The following ZNF790 variants were observed in gnomAD, a reference collection of about 807,000 sequenced individuals.
The protein encoded by ZNF790 is zinc finger protein 790.
Under a neutral mutation model 12.1 loss-of-function variants are expected in ZNF790, and 8 were observed. The ratio of observed to expected loss-of-function variants is 0.66; its 90% CI spans 0.39 to 1.19. The LOEUF is 1.19. Among genes scored for constraint, ZNF790 ranks in the 50% most tolerant of loss-of-function variants. The probability of loss-of-function intolerance (pLI) is 0.01; values close to 1 mark genes in which losing one functional copy is unlikely to be tolerated. For synonymous variants in ZNF790, 252 were observed against 244.3 expected (o/e 1.03, Z -0.29); for missense variants, 707 against 752.2 (o/e 0.94, Z 0.70).
chr19:36,823,890 G>T, intron 2 of ZNF790, 100 bp from the exon 3 acceptor site: 1 of 1,131,274 alleles, frequency 8.8e-7, no homozygotes. Context: ...GGCACTGCAG[G>T]GAGTGGGGCA....
upstream of ZNF790, among the ~76,000 whole-genome samples, chr19:36,841,885 A>ATT (rs201434175): frequency 1.3e-5 from 2 of 148,598 alleles, no homozygotes; most frequent in Non-Finnish European, 3.0e-5. Flanking sequence ...AGTTATTATT[A>ATT]TTTTTTTTTG....
In ZNF790 at chr19:36,823,777, C is replaced by CTGAA. The variant is rs762197084; in HGVS notation, c.19_22dup (p.Arg8IlefsTer25). On this transcript the variant is annotated frameshift_variant, in exon 3 of 5. Transcript: ENST00000356725. LOFTEE classifies it high-confidence loss of function. Reference sequence around the variant, plus strand: ...CTGAGAGAAATCTACAGCCACATCCCTGAACATCATCAACTGTTGGAAAGA... The same window carrying CTGAA: ...CTGAGAGAAATCTACAGCCACATCCCTGAATGAACATCATCAACTGTTGGAAAGA... 19 of 1,605,062 alleles carry CTGAA rather than the reference C, an allele frequency of 1.2e-5. No individual in the cohort carries two copies. The highest frequency in any genetic ancestry group is 1.6e-5 in the Non-Finnish European group (19 of 1,177,850).
intron 4 of ZNF790, 149 bp downstream of exon 4, chr19:36,823,136 A>C: frequency 1.6e-6 from 1 of 613,494 alleles, no homozygotes. Flanking sequence ...AAGTGCTAGG[A>C]TTACAGGCGG....
At chr19:36,825,981 A>G (rs74481799) in intron 1 of ZNF790, among the ~76,000 whole-genome samples, 2 of 152,194 alleles carry the variant, frequency 1.3e-5, no homozygotes, top group Non-Finnish European at 2.9e-5. Context: ...ATGTCAGTTA[A>G]TTGTCTCATT....
In ZNF790 at chr19:36,818,408, C is replaced by A. The variant is rs1419911637; in HGVS notation, c.*25G>T. ...TCAATTAATGAGTCATGAATAAAGC[C>A]CTTCCTACACTTTTATATAATATTT... On this transcript the variant is annotated 3_prime_UTR_variant, in exon 5 of 5. Transcript: ENST00000356725. 1 of 1,492,628 alleles carries A rather than the reference C, an allele frequency of 6.7e-7. No individual in the cohort carries two copies. The highest frequency in any genetic ancestry group is 1.5e-5 in the South Asian group (1 of 68,408). The allele number at this position is 1,492,628 out of a possible 1,614,324, so 92.5% of individuals were successfully genotyped here.
In ZNF790 at chr19:36,818,778, A is replaced by G. The variant is rs369313068; in HGVS notation, c.1566T>C (p.Thr522=). Residue 522 remains threonine, a synonymous_variant, in exon 5 of 5, where the codon ACT becomes ACC. Coordinates refer to ENST00000356725, the MANE Select transcript of ZNF790 (RefSeq NM_206894.4). ...GKAFLWGSQL[T]RHQRMHTGEE... ...CACCAGTATGCATTCTCTGATGTCG[A>G]GTAAGTTGTGAACCCCAGAGAAAGG... is the stretch of plus-strand genomic sequence containing the variant. The G allele has an allele frequency of 1.9e-6, 3 of 1,610,320 alleles. No homozygotes were observed. The highest frequency in any genetic ancestry group is 2.5e-6 in the Non-Finnish European group (3 of 1,178,538).
rs773542102 is a variant in ZNF790 at position 36,819,414 on chromosome 19, A to G, written c.930T>C (p.Tyr310=). ...HQRIHTGEKP[Y]ECNECRKAFS... ...AGGCCTTTCTACATTCATTACATTC[A>G]TAGGGTTTTTCACCAGTATGAATTC... Residue 310 remains tyrosine (Y), a synonymous_variant, in exon 5 of 5, where the codon TAT becomes TAC. Coordinates refer to ENST00000356725, the MANE Select transcript of ZNF790 (RefSeq NM_206894.4). 3.7e-6 allele frequency: 6 copies of G among 1,611,044 alleles called. No homozygotes were observed. The highest frequency in any genetic ancestry group is 4.2e-6 in the Non-Finnish European group (5 of 1,178,088).
Position 36,819,312 on chromosome 19 carries a change from C to G in ZNF790, c.1032G>C (p.Gly344=). The G allele has an allele frequency of 1.2e-6, 2 of 1,610,622 alleles. No homozygotes were observed. Among genetic ancestry groups the G allele is most frequent in the Non-Finnish European group, 1.7e-6 (2 of 1,178,086 alleles). ...GGTGTGATCCACGAGTAAAAGCTTT[C>G]CCACACTCCTTACATTCATAAGGTT... ...GEKPYECKEC[G]KAFTRGSHLT... The change falls in exon 5 of 5, where the codon GGG becomes GGC. Residue 344 remains glycine (G), a synonymous_variant. Transcript: ENST00000356725.
chr19:36,839,064 G>A (rs1170255577), upstream of ZNF790, among the ~76,000 whole-genome samples: 1 of 152,202 alleles, frequency 6.6e-6, no homozygotes, highest in Non-Finnish European at 1.5e-5. Context: ...CGCCCTTAAA[G>A]TGTTTGGTTT....
intron 1 of ZNF790, among the ~76,000 whole-genome samples, chr19:36,844,105 C>T (rs1196434826): frequency 6.6e-6 from 1 of 151,276 alleles, no homozygotes; most frequent in African/African-American, 2.4e-5. Context: ...ATTGCTTGAG[C>T]CCAGGAGTTT....
At position 36,820,265 on chromosome 19, in the gene ZNF790, A is replaced by G. The variant is rs960011885; in HGVS notation, c.230-151T>C. On this transcript the variant is annotated intron_variant, in intron 4 of 4. Transcript: ENST00000356725. The stretch of plus-strand genomic sequence containing the variant: ...ATATGAGCAATATGAAAAAAAGGGC[A>G]AGAAATAAGTAGAAATTTAAAAGAA... 6 of 770,586 alleles carry G rather than the reference A, an allele frequency of 7.8e-6. No homozygotes were observed. The East Asian group carries it at 1.1e-4, about 14-fold the overall frequency. 47.7% of individuals were successfully genotyped at this position (770,586 alleles called of 1,614,324 possible). A position where few individuals can be genotyped will look rare whatever the true frequency, so the allele number is the denominator to read the frequency against.
chr19:36,819,046 C>T lies in ZNF790; in HGVS notation c.1298G>A (p.Trp433Ter). 5 of 1,614,024 alleles carry T rather than the reference C, an allele frequency of 3.1e-6. No homozygotes were observed. Among genetic ancestry groups the T allele is most frequent in the Non-Finnish European group, 4.2e-6 (5 of 1,180,002 alleles). ...CTCATGTTGAGCAAGATACGAAGCC[C>T]AAGTAAAAGTCTTCCCGCATTGCTT... ...ECKQCGKTFTWASYLAQHEKI... is the reference protein window; with the variant it reads ...ECKQCGKTFT The change falls in exon 5 of 5, where the codon TGG (tryptophan) becomes TAG (stop). Residue 433 changes from tryptophan to a stop codon, truncating the protein, a stop_gained. Coordinates refer to ENST00000356725, the MANE Select transcript of ZNF790 (RefSeq NM_206894.4). LOFTEE classifies it low-confidence loss of function (END_TRUNC).
intron 1 of ZNF790, among the ~76,000 whole-genome samples, chr19:36,837,281 A>G (rs1411655435): frequency 6.6e-6 from 1 of 152,122 alleles, no homozygotes; most frequent in Non-Finnish European, 1.5e-5. Flanking sequence ...TTTTATCTTC[A>G]ACCACTTCCT....
intron 1 of ZNF790, among the ~76,000 whole-genome samples, chr19:36,834,691 T>C (rs2072008374): frequency 6.6e-6 from 1 of 152,138 alleles, no homozygotes; most frequent in Non-Finnish European, 1.5e-5. Context: ...TACTCACCAA[T>C]TCCTCTCCTT....
Position 36,823,677 on chromosome 19 carries a change from C to T in ZNF790, c.123G>A (p.Met41Ile). The T allele has an allele frequency of 6.2e-7, 1 of 1,607,180 alleles. No individual in the cohort carries two copies. The highest frequency in any genetic ancestry group is 8.5e-7 in the Non-Finnish European group (1 of 1,178,538). The change falls in exon 3 of 5, where the codon ATG becomes ATA. Residue 41 changes from methionine (M) to isoleucine (I), a missense_variant. Met to Ile is a conservative substitution (Grantham distance 10). Transcript: ENST00000356725. ...AATGCTGAATCTTACCCAGTGAGACCATGTTGCTGTAGTTCTCCAACATCA... is the reference window on the plus strand; with the variant it reads ...AATGCTGAATCTTACCCAGTGAGACTATGTTGCTGTAGTTCTCCAACATCA... ...RDVMLENYSN[M>I]VSLGFCIYQP...
In ZNF790 at chr19:36,835,886, C is replaced by A. The variant is rs146924887; in HGVS notation, c.-74+2451G>T. ...TTTAAACTCAGCCAGGAAAGGTTCA[C>A]TGACTTTAAGGACCCATGTCATTAT... On this transcript the variant is annotated intron_variant, in intron 1 of 4. Transcript: ENST00000356725. 3.3e-5 allele frequency among the ~76,000 whole-genome samples: 5 copies of A among 151,986 alleles called. No individual in the cohort carries two copies. In the East Asian group the frequency reaches 7.7e-4, roughly 23 times the overall value.
intron 1 of ZNF790, among the ~76,000 whole-genome samples, chr19:36,845,911 C>A (rs1299056789): frequency 6.6e-6 from 1 of 151,770 alleles, no homozygotes; most frequent in Non-Finnish European, 1.5e-5. Flanking sequence ...CGGGTTCAAG[C>A]GATTCTCCTG....
chr19:36,823,230 G>A, intron 4 of ZNF790, 55 bp downstream of exon 4: 1 of 1,482,638 alleles, frequency 6.7e-7, no homozygotes, highest in Non-Finnish European at 9.4e-7. Context: ...TCACTGTGCA[G>A]CTGAGCTGTT....
At chr19:36,846,363 G>A (rs1443757243) in intron 1 of ZNF790, among the ~76,000 whole-genome samples, 1 of 151,990 alleles carries the variant, frequency 6.6e-6, no homozygotes, top group Non-Finnish European at 1.5e-5. Context: ...TCAGGAGATC[G>A]AGACCATCCT....
Sources: gnomAD v4.1 joint callset for allele counts (sites outside exome capture counted in the v4.1 genomes callset) on GRCh38, gnomAD v4.1.1 for gene constraint, MANE v1.5 for transcripts, NCBI Gene and HGNC (gene_info 2026-07-23, HGNC 2026-07-21) for gene names.